Variants in FA2H observed in about 807,000 individuals in gnomAD.
FA2H encodes the protein fatty acid alpha-hydroxylase.
A neutral mutation model predicts 44.9 loss-of-function variants in FA2H; 22 were observed. The ratio of observed to expected loss-of-function variants is 0.49; its 90% confidence interval spans 0.35 to 0.70. The LOEUF is 0.70. FA2H is among the 30% of genes least tolerant of loss of function. FA2H has a pLI of 0.01. For synonymous variants in FA2H, 243 were observed against 213.2 expected (o/e 1.14, Z -1.22); for missense variants, 501 against 504.9 (o/e 0.99, Z 0.07).
chr16:74,735,454 C>T (rs190341301), intron 2 of FA2H, among the ~76,000 whole-genome samples: 204 of 152,294 alleles, frequency 1.3e-3, no homozygotes, highest in African/African-American at 4.6e-3. Context: ...TGGCCTCAGG[C>T]TCACCCCACG....
At chr16:74,727,690 G>T (rs546905984) in intron 2 of FA2H, among the ~76,000 whole-genome samples, 1 of 152,348 alleles carries the variant, frequency 6.6e-6, no homozygotes, top group South Asian at 2.1e-4. Context: ...TACTAGCAGA[G>T]CCTGCCTGAA....
intron 2 of FA2H, among the ~76,000 whole-genome samples, chr16:74,728,918 G>C (rs1962015462): frequency 6.7e-6 from 1 of 149,702 alleles, no homozygotes; most frequent in African/African-American, 2.5e-5. Context: ...GAGTAGCTGG[G>C]ACTACAGGCA....
At chr16:74,757,616 T>C (rs77865346) in intron 1 of FA2H, among the ~76,000 whole-genome samples, 3,719 of 152,280 alleles carry the variant, frequency 0.024, 156 homozygotes, top group African/African-American at 0.085. Flanking sequence ...TAAAATTATA[T>C]TGCTGATATG....
chr16:74,759,035 G>A (rs888347011), intron 1 of FA2H, among the ~76,000 whole-genome samples: 5 of 152,124 alleles, frequency 3.3e-5, no homozygotes, highest in African/African-American at 7.2e-5. Context: ...ATCAGGTCAC[G>A]TCCCACTCTG....
chr16:74,734,810 G>T (rs1283170186), intron 2 of FA2H, among the ~76,000 whole-genome samples: 2 of 152,212 alleles, frequency 1.3e-5, no homozygotes, highest in Non-Finnish European at 2.9e-5. Context: ...GGGGGCAGGC[G>T]GCGGGGGCAG....
intron 1 of FA2H, among the ~76,000 whole-genome samples, chr16:74,768,590 C>A (rs1962849965): frequency 6.6e-6 from 1 of 152,192 alleles, no homozygotes; most frequent in African/African-American, 2.4e-5. Context: ...AAGGTGGCGG[C>A]AGTTCAGCAA....
intron 1 of FA2H, among the ~76,000 whole-genome samples, chr16:74,751,465 C>T (rs1207618467): frequency 6.6e-6 from 1 of 152,042 alleles, no homozygotes; most frequent in Non-Finnish European, 1.5e-5. Flanking sequence ...CTGGTGACGC[C>T]TGGTGGGTAT....
intron 2 of FA2H, among the ~76,000 whole-genome samples, chr16:74,729,457 C>T (rs542068460): frequency 1.3e-5 from 2 of 152,316 alleles, no homozygotes; most frequent in South Asian, 2.1e-4. Context: ...CACCTTTACA[C>T]GGCATTTGAA....
chr16:74,722,421 A>G (rs568930874), intron 4 of FA2H, among the ~76,000 whole-genome samples: 2 of 152,286 alleles, frequency 1.3e-5, no homozygotes, highest in South Asian at 4.1e-4. Context: ...CTATAGTCCC[A>G]GCTACTGAGG....
chr16:74,748,540 G>A (rs1459409002), intron 1 of FA2H, among the ~76,000 whole-genome samples: 3 of 152,098 alleles, frequency 2.0e-5, no homozygotes, highest in African/African-American at 4.8e-5. Context: ...GGCTGTTCCC[G>A]GGAAGGTTCC....
chr16:74,749,530 G>T (rs1443328821), intron 1 of FA2H, among the ~76,000 whole-genome samples: 1 of 152,194 alleles, frequency 6.6e-6, no homozygotes, highest in African/African-American at 2.4e-5. Flanking sequence ...GACAGTCTTG[G>T]GCCCTGGGGC....
chr16:74,754,883 G>A (rs910208646), intron 1 of FA2H, among the ~76,000 whole-genome samples: 1 of 152,048 alleles, frequency 6.6e-6, no homozygotes, highest in African/African-American at 2.4e-5. Context: ...AGATTAGGGT[G>A]GGTTCTAACT....
intron 1 of FA2H, among the ~76,000 whole-genome samples, chr16:74,745,798 G>GTTTTT (rs1962409837): frequency 7.8e-6 from 1 of 128,542 alleles, no homozygotes; most frequent in African/African-American, 2.9e-5. Context: ...ACTGTCAATG[G>GTTTTT]ATTTTTTTTT....
chr16:74,738,928 C>A (rs1962235807), intron 2 of FA2H, among the ~76,000 whole-genome samples: 1 of 152,254 alleles, frequency 6.6e-6, no homozygotes, highest in Non-Finnish European at 1.5e-5. Context: ...AGCACAACTT[C>A]CTTCGGCCTC....
At chr16:74,733,680 G>A (rs1290169175) in intron 2 of FA2H, among the ~76,000 whole-genome samples, 1 of 152,332 alleles carries the variant, frequency 6.6e-6, no homozygotes, top group African/African-American at 2.4e-5. Context: ...TGAGATGGGA[G>A]GACAGCAGAC....
intron 2 of FA2H, among the ~76,000 whole-genome samples, chr16:74,727,856 A>C (rs1310778571): frequency 2.0e-5 from 3 of 152,210 alleles, no homozygotes; most frequent in Admixed American, 2.0e-4. Flanking sequence ...TCAGGAATGA[A>C]GTGGGCTCTT....
At chr16:74,759,846 G>C (rs773859050) in intron 1 of FA2H, among the ~76,000 whole-genome samples, 1 of 152,174 alleles carries the variant, frequency 6.6e-6, no homozygotes, top group Non-Finnish European at 1.5e-5. Flanking sequence ...CCTCCTAGGG[G>C]TCCCCTCTTC....
chr16:74,714,215 T>C lies in FA2H; in HGVS notation c.1094A>G (p.Glu365Gly). The change falls in exon 7 of 7, where the codon GAG (glutamate) becomes GGG (glycine). Residue 365 changes from glutamate (E) to glycine (G), a missense_variant. Transcript: ENST00000219368. ...WDYCFHTLTP[E>G]KPHLKTQ The stretch of plus-strand genomic sequence containing the variant: ...TCACTGCGTCTTCAGGTGGGGTTTC[T>C]CTGGAGTGAGGGTGTGGAAACAGTA... 1 of 1,566,414 alleles carries C rather than the reference T, an allele frequency of 6.4e-7. No homozygotes were observed. The highest frequency in any genetic ancestry group is 8.7e-7 in the Non-Finnish European group (1 of 1,155,072).
Position 74,719,049 on chromosome 16 carries a change from G to T in FA2H, c.725C>A (p.Pro242His). 1 of 1,614,016 alleles carries T rather than the reference G, an allele frequency of 6.2e-7. No individual in the cohort carries two copies. ...LIHRFLFHMK[P>H]PSDSYYLIML... is the part of the protein sequence containing the mutation. ...GATGAGGTAATAGCTGTCGCTGGGG[G>T]GCTTCATGTGGAACAGGAAGCGGTG... Residue 242 changes from proline to histidine, a missense_variant, in exon 5 of 7, where the codon CCC becomes CAC. Pro to His is a moderately conservative substitution (Grantham distance 77, BLOSUM62 -2). Transcript: ENST00000219368.
Sources: allele counts gnomAD v4.1 joint callset (sites outside exome capture counted in the v4.1 genomes callset), GRCh38; gene constraint gnomAD v4.1.1; transcripts MANE v1.5; gene names NCBI Gene and HGNC (gene_info 2026-07-23, HGNC 2026-07-21).